Variants in PARD3B observed in about 807,000 individuals in gnomAD.
PARD3B encodes the protein partitioning defective 3 homolog B.
A neutral mutation model predicts 130.2 loss-of-function variants in PARD3B; 103 were observed. That is an observed-to-expected ratio of 0.79 (90% confidence interval 0.67 to 0.93). The LOEUF is 0.93. Among genes scored for constraint, PARD3B ranks in the 40% least tolerant of loss-of-function variants. PARD3B has a pLI of 0.00. For missense variants in PARD3B, 1,609 were observed against 1,499.2 expected, an observed-to-expected ratio of 1.07 and a Z score of -1.21; for synonymous variants, 583 against 553.2, an observed-to-expected ratio of 1.05 and a Z score of -0.76.
At chr2:205,037,170 CG>C (rs1698019331) in intron 3 of PARD3B, among the ~76,000 whole-genome samples, 1 of 142,538 alleles carries the variant, frequency 7.0e-6, no homozygotes, top group Non-Finnish European at 1.5e-5. Flanking sequence ...ACATATATAG[CG>C]GACTGTATAT....
intron 2 of PARD3B, among the ~76,000 whole-genome samples, chr2:204,838,291 T>C (rs950632919): frequency 4.0e-5 from 6 of 151,838 alleles, no homozygotes; most frequent in African/African-American, 1.5e-4. Context: ...CCAGTGACTC[T>C]CCTACCTCAG....
At chr2:204,965,103 T>TG in intron 2 of PARD3B, 49 bp from the exon 3 acceptor site, 1 of 1,569,772 alleles carries the variant, frequency 6.4e-7, no homozygotes, top group Non-Finnish European at 8.7e-7. Context: ...AGTGTCCGTG[T>TG]GGTATGCATG....
intron 2 of PARD3B, among the ~76,000 whole-genome samples, chr2:204,959,679 G>T (rs918121041): frequency 6.6e-6 from 1 of 152,140 alleles, no homozygotes; most frequent in Non-Finnish European, 1.5e-5. Context: ...GAAAAATATG[G>T]AATGAGTTTC....
chr2:204,862,117 A>G (rs988557637), intron 2 of PARD3B, among the ~76,000 whole-genome samples: 1 of 152,130 alleles, frequency 6.6e-6, no homozygotes, highest in Non-Finnish European at 1.5e-5. Context: ...TTATGTTTCA[A>G]ATCTTTGCTT....
rs535320664 is a variant in PARD3B, at chr2:205,160,404, G to A, written c.1620+1497G>A. On this transcript the variant is annotated intron_variant, in intron 11 of 22. Coordinates refer to ENST00000406610, the MANE Select transcript of PARD3B (RefSeq NM_001302769.2). This position sits in a 1 kb window ranked among gnomAD's most constrained non-coding sequence, Gnocchi z 4.0. The stretch of plus-strand genomic sequence containing the variant: ...CTGGCGCATGTCCCTCTCATGCCTC[G>A]AGCTGTCAGAGGGCCAGCGGCAGTG... 1.8e-4 allele frequency among the ~76,000 whole-genome samples: 27 copies of A among 152,174 alleles called. No homozygotes were observed. The highest frequency in any genetic ancestry group is 6.5e-4 in the Admixed American group (10 of 15,296).
At chr2:205,074,469 T>TG (rs1700923436) in intron 4 of PARD3B, among the ~76,000 whole-genome samples, 1 of 152,200 alleles carries the variant, frequency 6.6e-6, no homozygotes, top group African/African-American at 2.4e-5. Flanking sequence ...AACTATCGTA[T>TG]GTCATCTATT....
At chr2:205,313,000 C>T (rs1210061947) in intron 18 of PARD3B, among the ~76,000 whole-genome samples, 3 of 152,082 alleles carry the variant, frequency 2.0e-5, no homozygotes, top group Non-Finnish European at 4.4e-5. Flanking sequence ...CTTTTGTTGG[C>T]TTGCAACTAA....
intron 18 of PARD3B, among the ~76,000 whole-genome samples, chr2:205,324,338 A>G (rs1250683402): frequency 3.9e-5 from 6 of 152,196 alleles, no homozygotes; most frequent in East Asian, 1.9e-4. Flanking sequence ...AAGGTTACCC[A>G]TATAATTTCA....
At chr2:204,568,753 G>C (rs1196059726) in intron 1 of PARD3B, among the ~76,000 whole-genome samples, 2 of 152,106 alleles carry the variant, frequency 1.3e-5, no homozygotes, top group Non-Finnish European at 2.9e-5. Context: ...TCAGGAGTTT[G>C]AGACCAACCT....
chr2:205,457,820 A>G (rs2048326065), intron 20 of PARD3B, among the ~76,000 whole-genome samples: 1 of 152,170 alleles, frequency 6.6e-6, no homozygotes, highest in Admixed American at 6.6e-5. Flanking sequence ...TCCAAATCTG[A>G]AAATCCATAA....
intron 4 of PARD3B, among the ~76,000 whole-genome samples, chr2:205,094,157 T>C (rs918136578): frequency 2.0e-5 from 3 of 152,194 alleles, no homozygotes; most frequent in Non-Finnish European, 2.9e-5. Flanking sequence ...CTTCCCCAAA[T>C]TGTTTATTTT....
intron 2 of PARD3B, among the ~76,000 whole-genome samples, chr2:204,892,945 A>G (rs908520031): frequency 6.6e-6 from 1 of 152,194 alleles, no homozygotes; most frequent in Non-Finnish European, 1.5e-5. Context: ...AAAAGACTGG[A>G]GTTTATAGAA....
chr2:205,417,391 C>T (rs1294305875), intron 19 of PARD3B, among the ~76,000 whole-genome samples: 6 of 152,156 alleles, frequency 3.9e-5, no homozygotes, highest in South Asian at 4.1e-4. Context: ...AATAAACATA[C>T]GTGCACATGT....
chr2:204,685,489 C>T (rs888864118), intron 1 of PARD3B, among the ~76,000 whole-genome samples: 19 of 152,282 alleles, frequency 1.2e-4, no homozygotes, highest in South Asian at 6.2e-4. Flanking sequence ...TCAGAGTAAG[C>T]GGTTTTTAAA....
chr2:204,703,469 G>A (rs2037990042), intron 2 of PARD3B, among the ~76,000 whole-genome samples: 1 of 152,162 alleles, frequency 6.6e-6, no homozygotes, highest in Non-Finnish European at 1.5e-5. Flanking sequence ...TTATGCTCTT[G>A]TAAAAATACA....
intron 13 of PARD3B, among the ~76,000 whole-genome samples, chr2:205,178,310 A>AATT (rs1236914550): frequency 2.0e-5 from 3 of 151,868 alleles, no homozygotes; most frequent in Non-Finnish European, 4.4e-5. Flanking sequence ...ATCTTAAAGA[A>AATT]ATTATGGTGG....
intron 16 of PARD3B, among the ~76,000 whole-genome samples, chr2:205,279,070 C>CAAAAAAAAAAA (rs57717513): frequency 1.0e-4 from 4 of 38,868 alleles, no homozygotes; most frequent in Non-Finnish European, 1.3e-4. Context: ...GAATCTGTCT[C>CAAAAAAAAAAA]AAAAAAAAAA....
intron 2 of PARD3B, among the ~76,000 whole-genome samples, chr2:204,752,871 C>A (rs1454690970): frequency 6.6e-6 from 1 of 152,132 alleles, no homozygotes; most frequent in Admixed American, 6.6e-5. Context: ...AGCCGTCAAT[C>A]CTGTAAACCA....
rs896780883 is a variant in PARD3B, at chr2:205,011,915, A to C, written c.395-35666A>C. Among the ~76,000 whole-genome samples the C allele has an allele frequency of 1.3e-5, 2 of 152,058 alleles. No homozygotes were observed. The highest frequency in any genetic ancestry group is 2.9e-5 in the Non-Finnish European group (2 of 68,002). Reference sequence around the variant, plus strand: ...ACTCTGATTTGTACAAGGAGGAGAGAAGAGAATGGGCAGTCTCTGGAGCAC... The same window carrying C: ...ACTCTGATTTGTACAAGGAGGAGAGCAGAGAATGGGCAGTCTCTGGAGCAC... On this transcript the variant is annotated intron_variant, in intron 3 of 22. Coordinates refer to ENST00000406610, the MANE Select transcript of PARD3B (RefSeq NM_001302769.2). This position sits in a 1 kb window ranked among gnomAD's most constrained non-coding sequence, Gnocchi z 4.1.
Sources: allele counts gnomAD v4.1 joint callset (sites outside exome capture counted in the v4.1 genomes callset), GRCh38; gene constraint gnomAD v4.1.1; non-coding constraint Gnocchi (gnomAD v3.1); transcripts MANE v1.5; gene names NCBI Gene and HGNC (gene_info 2026-07-23, HGNC 2026-07-21).